The following CSMD1 variants were observed in gnomAD, a reference collection of about 807,000 sequenced individuals.
CSMD1 encodes the protein CUB and Sushi multiple domains 1.
A neutral mutation model predicts 417.5 loss-of-function variants in CSMD1; 213 were observed. The observed-to-expected ratio is 0.51, with a 90% CI of 0.46 to 0.57. CSMD1 has a LOEUF of 0.57. Among genes scored for constraint, CSMD1 ranks in the 20% least tolerant of loss-of-function variants. CSMD1 has a pLI of 0.00. For missense variants in CSMD1, 6,923 were observed against 4,529.7 expected (o/e 1.53, Z -15.17); for synonymous variants, 2,862 against 1,736.8 (o/e 1.65, Z -16.11).
chr8:4,900,766 A>T (rs1209806644), intron 1 of CSMD1, among the ~76,000 whole-genome samples: 1 of 152,172 alleles, frequency 6.6e-6, no homozygotes, highest in East Asian at 1.9e-4. Flanking sequence ...TCAGAATCAC[A>T]TTCTCTCAAC....
intron 3 of CSMD1, among the ~76,000 whole-genome samples, chr8:4,062,745 A>G (rs1038215654): frequency 1.3e-5 from 2 of 152,090 alleles, no homozygotes; most frequent in Non-Finnish European, 2.9e-5. Flanking sequence ...AAAAAAAAAA[A>G]AAGGCAGGTT....
At chr8:3,543,059 C>G (rs1418797706) in intron 10 of CSMD1, among the ~76,000 whole-genome samples, 2 of 152,156 alleles carry the variant, frequency 1.3e-5, no homozygotes, top group Admixed American at 1.3e-4. Flanking sequence ...TGGGCTCAGA[C>G]AAGTTGACAA....
At chr8:2,955,507 C>T (rs1802934470) in intron 64 of CSMD1, 82 bp downstream of exon 64, 7 of 1,392,110 alleles carry the variant, frequency 5.0e-6, no homozygotes, top group South Asian at 3.9e-5. Context: ...ATGGGTCTCA[C>T]ACGTGGACAC....
intron 26 of CSMD1, among the ~76,000 whole-genome samples, chr8:3,259,641 G>A (rs192872706): frequency 2.7e-4 from 41 of 152,170 alleles, no homozygotes; most frequent in Admixed American, 2.6e-3. Flanking sequence ...ATTTTAATAT[G>A]TATACAAGTG....
chr8:3,434,244 C>A (rs1585158812), intron 12 of CSMD1, among the ~76,000 whole-genome samples: 1 of 152,150 alleles, frequency 6.6e-6, no homozygotes. Flanking sequence ...TAAGGTACGA[C>A]TAAATCGTTT....
At chr8:4,700,161 C>G (rs1419026203) in intron 1 of CSMD1, among the ~76,000 whole-genome samples, 1 of 152,006 alleles carries the variant, frequency 6.6e-6, no homozygotes, top group South Asian at 2.1e-4. Flanking sequence ...CTTTCAAGAC[C>G]TATTCAGTTC....
chr8:4,914,740 GC>G (rs1730431465), intron 1 of CSMD1, among the ~76,000 whole-genome samples: 1 of 152,118 alleles, frequency 6.6e-6, no homozygotes, highest in Non-Finnish European at 1.5e-5. Context: ...CACTTAAGAG[GC>G]TAATGTGTTT....
intron 49 of CSMD1, among the ~76,000 whole-genome samples, chr8:3,068,701 G>A (rs2128997289): frequency 6.6e-6 from 1 of 152,248 alleles, no homozygotes; most frequent in South Asian, 2.1e-4. Flanking sequence ...GAGCAAGACA[G>A]AGTTGAGGGG....
intron 3 of CSMD1, among the ~76,000 whole-genome samples, chr8:4,229,171 C>T (rs372292926): frequency 1.3e-5 from 2 of 152,298 alleles, no homozygotes; most frequent in South Asian, 4.1e-4. Flanking sequence ...GACAAAAACC[C>T]GGAGTCAACT....
intron 3 of CSMD1, among the ~76,000 whole-genome samples, chr8:4,039,721 G>T (rs529040464): frequency 2.0e-5 from 3 of 152,166 alleles, no homozygotes; most frequent in African/African-American, 7.2e-5. Context: ...AAAAGGGCAA[G>T]ATTTGGCCAA....
intron 2 of CSMD1, among the ~76,000 whole-genome samples, chr8:4,593,252 G>C (rs895986777): frequency 2.6e-5 from 4 of 152,146 alleles, no homozygotes; most frequent in Non-Finnish European, 5.9e-5. Context: ...ATTTCCGCAG[G>C]AACATGAGCG....
In CSMD1 at chr8:4,024,781, T is replaced by C. The variant is rs1245675105; in HGVS notation, c.610+7124A>G. ...GTACGGCATACATAAACATACGTAG[T>C]TTATGACAGCTTGTGACTGGGAACT... On this transcript the variant is annotated intron_variant, in intron 4 of 69. Transcript: ENST00000635120. Among the ~76,000 whole-genome samples the C allele has an allele frequency of 3.9e-5, 6 of 152,282 alleles. No individual in the cohort carries two copies. The East Asian group carries it at 1.2e-3, about 29-fold the overall frequency.
At chr8:3,547,458 G>C (rs1798715977) in intron 10 of CSMD1, among the ~76,000 whole-genome samples, 1 of 152,098 alleles carries the variant, frequency 6.6e-6, no homozygotes, top group African/African-American at 2.4e-5. Flanking sequence ...GGATCAGTAG[G>C]TCAATGATTG....
At chr8:3,713,476 C>G (rs1302405264) in intron 6 of CSMD1, among the ~76,000 whole-genome samples, 2 of 152,162 alleles carry the variant, frequency 1.3e-5, no homozygotes, top group Non-Finnish European at 2.9e-5. Flanking sequence ...AAAGCTCAGC[C>G]TGCTCCCCTG....
chr8:4,442,549 T>G (rs959756064), intron 2 of CSMD1, among the ~76,000 whole-genome samples: 1 of 152,192 alleles, frequency 6.6e-6, no homozygotes, highest in South Asian at 2.1e-4. Context: ...TCAAACCATA[T>G]GCAACTAAAG....
intron 5 of CSMD1, among the ~76,000 whole-genome samples, chr8:3,992,873 C>T (rs543316410): frequency 6.6e-6 from 1 of 152,250 alleles, no homozygotes. Context: ...CCTCCATATT[C>T]ATAAACGATG....
At chr8:4,789,198 T>A (rs191834397) in intron 1 of CSMD1, among the ~76,000 whole-genome samples, 1 of 152,224 alleles carries the variant, frequency 6.6e-6, no homozygotes, top group African/African-American at 2.4e-5. Flanking sequence ...AAATATTCAA[T>A]AAATATTATT....
At chr8:4,316,116 C>T (rs369421682) in intron 3 of CSMD1, among the ~76,000 whole-genome samples, 1 of 151,808 alleles carries the variant, frequency 6.6e-6, no homozygotes, top group Non-Finnish European at 1.5e-5. Flanking sequence ...TATTGTTAAC[C>T]CTCTTAACCA....
At chr8:4,105,616 G>C (rs922933177) in intron 3 of CSMD1, among the ~76,000 whole-genome samples, 3 of 152,194 alleles carry the variant, frequency 2.0e-5, no homozygotes, top group African/African-American at 4.8e-5. Flanking sequence ...AGAGGAAACA[G>C]GGAAAGCAAA....
Sources: gnomAD v4.1 joint callset for allele counts (sites outside exome capture counted in the v4.1 genomes callset) on GRCh38, gnomAD v4.1.1 for gene constraint, MANE v1.5 for transcripts, NCBI Gene and HGNC (gene_info 2026-07-23, HGNC 2026-07-21) for gene names.